SHPRH: variants seen among roughly 807,000 people sequenced by gnomAD.
SHPRH encodes E3 ubiquitin-protein ligase SHPRH.
In SHPRH, 106 loss-of-function variants were observed where a neutral mutation model predicts 202.5. The observed-to-expected ratio is 0.52, with a 90% CI of 0.45 to 0.62. SHPRH has a LOEUF of 0.62. Ranked by LOEUF, SHPRH falls within the 20% of genes least tolerant of loss-of-function variation. SHPRH has a pLI of 0.00. For missense variants in SHPRH, 1,710 were observed against 2,020.0 expected (o/e 0.85, Z 2.94); for synonymous variants, 729 against 686.0 (o/e 1.06, Z -0.98).
At chr6:145,915,236 TTAA>T (rs1478705918) in intron 23 of SHPRH, among the ~76,000 whole-genome samples, 2 of 149,646 alleles carry the variant, frequency 1.3e-5, no homozygotes, top group Non-Finnish European at 3.0e-5. Flanking sequence ...AAATTAAATC[TTAA>T]TAATCCTCTG....
Position 145,940,670 on chromosome 6 carries a change from T to A in SHPRH, c.2569+53A>T, listed in dbSNP as rs1582778226. On this transcript the variant is annotated intron_variant, in intron 11 of 29. Transcript: ENST00000275233. Reference sequence around the variant, plus strand: ...TTAAGCATAACAATACTTTTCTCTCTAAAAAATGAAGCTTTTCAAATGCAT... The same window carrying A: ...TTAAGCATAACAATACTTTTCTCTCAAAAAAATGAAGCTTTTCAAATGCAT... 3.2e-6 allele frequency: 5 copies of A among 1,575,118 alleles called. No homozygotes were observed. In the Middle Eastern group the frequency reaches 6.7e-4, roughly 211 times the overall value.
intron 25 of SHPRH, among the ~76,000 whole-genome samples, chr6:145,896,150 T>C (rs1781996399): frequency 1.3e-5 from 2 of 152,208 alleles, no homozygotes; most frequent in Non-Finnish European, 2.9e-5. Context: ...GATAGAATAA[T>C]GGAAAAAGTT....
chr6:145,912,504 C>G (rs1783585056), intron 24 of SHPRH, among the ~76,000 whole-genome samples: 1 of 152,076 alleles, frequency 6.6e-6, no homozygotes, highest in Non-Finnish European at 1.5e-5. Context: ...AAAAATACTA[C>G]TTTATGTCAT....
At chr6:145,944,888 G>A (rs1001567957) in intron 8 of SHPRH, among the ~76,000 whole-genome samples, 10 of 151,832 alleles carry the variant, frequency 6.6e-5, no homozygotes, top group South Asian at 2.1e-4. Context: ...TGAGAACCCC[G>A]TCTCTACAAA....
chr6:145,925,855 T>G (rs1331042357), intron 16 of SHPRH, among the ~76,000 whole-genome samples: 1 of 151,960 alleles, frequency 6.6e-6, no homozygotes, highest in African/African-American at 2.4e-5. Flanking sequence ...GTGGAGAAAG[T>G]GCAAAAGTTT....
intron 4 of SHPRH, among the ~76,000 whole-genome samples, chr6:145,949,827 T>C (rs922818785): frequency 6.6e-6 from 1 of 152,050 alleles, no homozygotes; most frequent in African/African-American, 2.4e-5. Context: ...AAGAAAAAAA[T>C]GCAAAGTCTA....
intron 1 of SHPRH, among the ~76,000 whole-genome samples, chr6:145,958,424 T>C (rs1788728054): frequency 6.6e-6 from 1 of 152,046 alleles, no homozygotes. Flanking sequence ...AATTATAAAG[T>C]GATAAAATTT....
chr6:145,866,622 G>C (rs1263678667), intron 2 of SHPRH, among the ~76,000 whole-genome samples: 1 of 152,174 alleles, frequency 6.6e-6, no homozygotes, highest in African/African-American at 2.4e-5. Flanking sequence ...TTTGCAAGTG[G>C]CCAGAGGGTT....
At position 145,867,599 on chromosome 6, in the gene SHPRH, A is replaced by AATATATATATAT. The variant is rs374395571; in HGVS notation, c.222-3120_222-3109dup. 6.3e-3 allele frequency among the ~76,000 whole-genome samples: 136 copies of AATATATATATAT among 21,558 alleles called. 5 individuals carry two copies. The highest frequency in any genetic ancestry group is 0.01 in the South Asian group (4 of 386). 14.1% of individuals were successfully genotyped at this position (21,558 alleles called of 152,430 possible). The stretch of plus-strand genomic sequence containing the variant: ...GAGTCACACGCTGTCTTCAAAAAAG[A>AATATATATATAT]ATATATATATATATATATATATATA... On this transcript the variant is annotated intron_variant, in intron 2 of 2. Transcript: ENST00000417762.
intron 2 of SHPRH, among the ~76,000 whole-genome samples, chr6:145,865,327 C>T (rs1779728367): frequency 6.6e-6 from 1 of 152,176 alleles, no homozygotes. Context: ...AGAGAGCTTT[C>T]ACTTTCTCTT....
chr6:145,888,808 T>C (rs1284010348), intron 28 of SHPRH, among the ~76,000 whole-genome samples: 3 of 152,202 alleles, frequency 2.0e-5, no homozygotes, highest in Admixed American at 1.3e-4. Context: ...GGATGCACTA[T>C]GGTTGTGTCA....
intron 25 of SHPRH, among the ~76,000 whole-genome samples, chr6:145,897,033 G>A (rs1782070854): frequency 6.6e-6 from 1 of 151,470 alleles, no homozygotes; most frequent in African/African-American, 2.4e-5. Flanking sequence ...CAGAAGGAAA[G>A]ATATAATAAA....
rs1784216739 is a variant in SHPRH at position 145,919,253 on chromosome 6, A to G, written c.4152+95T>C. On this transcript the variant is annotated intron_variant, in intron 22 of 29. Transcript: ENST00000275233. The stretch of plus-strand genomic sequence containing the variant: ...TGGAGATTAAATACACACTTACAGT[A>G]GAGCTCAGTGCCCTGATTCTGCCTT... The G allele has an allele frequency of 7.3e-6, 11 of 1,497,264 alleles. No individual in the cohort carries two copies. In the South Asian group the frequency reaches 1.3e-4, roughly 17 times the overall value. 92.7% of individuals were successfully genotyped at this position (1,497,264 alleles called of 1,614,324 possible).
intron 11 of SHPRH, among the ~76,000 whole-genome samples, chr6:145,940,382 CTT>C (rs972658924): frequency 6.7e-6 from 1 of 148,374 alleles, no homozygotes; most frequent in African/African-American, 2.5e-5. Flanking sequence ...CCCCCCCACC[CTT>C]TGTTTCTTTT....
At chr6:145,940,659 A>G in intron 11 of SHPRH, 64 bp downstream of exon 11, 1 of 1,511,354 alleles carries the variant, frequency 6.6e-7, no homozygotes, top group Non-Finnish European at 9.2e-7. Flanking sequence ...GCATAACAAT[A>G]CTTTTCTCTC....
At chr6:145,947,242 A>G (rs2128791598) in intron 6 of SHPRH, among the ~76,000 whole-genome samples, 1 of 152,190 alleles carries the variant, frequency 6.6e-6, no homozygotes, top group East Asian at 1.9e-4. Context: ...TTCTCTGCCA[A>G]CTAGAAGAAA....
intron 25 of SHPRH, among the ~76,000 whole-genome samples, chr6:145,901,429 A>G (rs2128724360): frequency 6.6e-6 from 1 of 152,268 alleles, no homozygotes; most frequent in Admixed American, 6.5e-5. Flanking sequence ...ATTGTTAAAA[A>G]AAGATAAGAT....
intron 1 of SHPRH, among the ~76,000 whole-genome samples, chr6:145,956,934 G>GA (rs1788566925): frequency 6.6e-6 from 1 of 152,032 alleles, no homozygotes; most frequent in Admixed American, 6.6e-5. Flanking sequence ...TACAATACAG[G>GA]AAAGTCAATA....
Position 145,945,517 on chromosome 6 carries a change from C to T in SHPRH, c.1442G>A (p.Ser481Asn), listed in dbSNP as rs754842299. Residue 481 changes from serine to asparagine, a missense_variant, in exon 8 of 30, where the codon AGT becomes AAT. Ser to Asn is a conservative substitution (Grantham distance 46). Around this residue, in one of 8 missense-constraint regions of SHPRH, gnomAD observed 348 missense variants for 356.9 expected, o/e 0.97. Coordinates refer to ENST00000275233, the MANE Select transcript of SHPRH (RefSeq NM_001042683.3). ...IYRYDVQRNR[S>N]LLKRMLKCLI... is the part of the protein sequence containing the mutation. ...ACATTTCAGCATCCGTTTCAAAAGA[C>T]TCCTGTTCCGTTGAACATCGTATCT... The T allele has an allele frequency of 6.5e-5, 105 of 1,613,202 alleles. No homozygotes were observed. Among genetic ancestry groups the T allele is most frequent in the Non-Finnish European group, 8.6e-5 (102 of 1,179,622 alleles).
Sources: allele counts gnomAD v4.1 joint callset (sites outside exome capture counted in the v4.1 genomes callset), GRCh38; gene constraint gnomAD v4.1.1; regional missense constraint gnomAD v4.1.1; transcripts MANE v1.5; gene names NCBI Gene and HGNC (gene_info 2026-07-23, HGNC 2026-07-21).